Variants in DNAH12 observed in about 807,000 individuals in gnomAD.
The protein encoded by DNAH12 is axonemal beta dynein heavy chain 12.
A neutral mutation model predicts 371.5 loss-of-function variants in DNAH12; 285 were observed. The observed-to-expected ratio is 0.77, with a 90% confidence interval of 0.70 to 0.85. The LOEUF (loss-of-function observed/expected upper bound fraction) is 0.85. DNAH12 is among the 40% of genes least tolerant of loss of function. The probability of loss-of-function intolerance (pLI) is 0.00; values close to 1 mark genes in which losing one functional copy is unlikely to be tolerated. For synonymous variants in DNAH12, 1,200 were observed against 1,213.0 expected (o/e 0.99, Z 0.22); for missense variants, 3,611 against 3,689.4 (o/e 0.98, Z 0.55).
rs2068941991 is a variant in DNAH12 at position 57,534,050 on chromosome 3, C to T, written c.170+8651G>A. The stretch of plus-strand genomic sequence containing the variant: ...CTCAAGTTCTGATCACTGGGATGTG[C>T]GATTCCCCTCTGGCTGGGGCTGGCC... On this transcript the variant is annotated intron_variant, in intron 2 of 73. Coordinates refer to ENST00000495027, the MANE Select transcript of DNAH12 (RefSeq NM_001366028.2). 3.3e-5 allele frequency among the ~76,000 whole-genome samples: 5 copies of T among 152,286 alleles called. No individual in the cohort carries two copies. The South Asian group carries it at 1.0e-3, about 32-fold the overall frequency.
Position 57,323,266 on chromosome 3 carries a change from A to T in DNAH12, c.10130-6T>A. On this transcript the variant is annotated splice_region_variant and splice_polypyrimidine_tract_variant and intron_variant, in intron 63 of 73. Transcript: ENST00000495027. ...ATTTGCAAATTTCAGCAGGCCTATAAGAGGCACAAAAAAATGGTCACACTA... is the reference window on the plus strand; with the variant it reads ...ATTTGCAAATTTCAGCAGGCCTATATGAGGCACAAAAAAATGGTCACACTA... 6.5e-7 allele frequency: 1 copy of T among 1,548,934 alleles called. No individual in the cohort carries two copies. The highest frequency in any genetic ancestry group is 8.7e-7 in the Non-Finnish European group (1 of 1,146,018).
intron 23 of DNAH12, among the ~76,000 whole-genome samples, chr3:57,454,336 C>G (rs535108941): frequency 1.3e-5 from 2 of 151,972 alleles, no homozygotes; most frequent in South Asian, 4.2e-4. Context: ...CAAAATTAGC[C>G]GGGTGTGGTG....
chr3:57,461,419 T>G, intron 19 of DNAH12, 70 bp downstream of exon 19: 36 of 1,419,366 alleles, frequency 2.5e-5, no homozygotes, highest in Non-Finnish European at 3.3e-5. Context: ...CTTATTACCA[T>G]GAGAGCGTAT....
Position 57,334,171 on chromosome 3 carries a change from TA to T in DNAH12, c.9978+293del, listed in dbSNP as rs1410421961. Among the ~76,000 whole-genome samples the T allele has an allele frequency of 3.7e-4, 56 of 152,156 alleles. 3 individuals are homozygous for T. On this transcript the variant is annotated intron_variant, in intron 62 of 73. Transcript: ENST00000495027. ...CAAGGAGATACCACGGCTTAAAAAA[TA>T]ATTAACAAAGTATCAATTACATTAT...
At chr3:57,326,582 C>T (rs532702068) in intron 62 of DNAH12, among the ~76,000 whole-genome samples, 2 of 152,126 alleles carry the variant, frequency 1.3e-5, no homozygotes, top group Non-Finnish European at 2.9e-5. Context: ...AAAGGAACAA[C>T]CAGTACCAGC....
intron 62 of DNAH12, among the ~76,000 whole-genome samples, chr3:57,328,568 A>G (rs1202847227): frequency 1.3e-5 from 2 of 152,096 alleles, no homozygotes; most frequent in Middle Eastern, 3.4e-3. Flanking sequence ...TCTGAAAATA[A>G]TAACAGCTAT....
rs2068811675 is a variant in DNAH12, at chr3:57,530,710, T to A, written c.171-6826A>T. On this transcript the variant is annotated intron_variant, in intron 2 of 73. Transcript: ENST00000495027. The stretch of plus-strand genomic sequence containing the variant: ...AGCATCTTGGTACGGACCAGTTTGT[T>A]ATTGGACACACTGTAGACAACATTG... 1.0e-5 allele frequency: 4 copies of A among 381,222 alleles called. No individual in the cohort carries two copies. The Admixed American group carries it at 1.5e-4, about 15-fold the overall frequency. The allele number at this position is 381,222 out of a possible 1,614,324, so 23.6% of individuals were successfully genotyped here. A position where few individuals can be genotyped will look rare whatever the true frequency, so the allele number is the denominator to read the frequency against.
At chr3:57,422,415 C>T (rs7644258) in intron 35 of DNAH12, among the ~76,000 whole-genome samples, 3,380 of 151,940 alleles carry the variant, frequency 0.022, 94 homozygotes, top group African/African-American at 0.077. Context: ...AGGATGGTCT[C>T]GATCTCCTGA....
intron 11 of DNAH12, chr3:57,493,591 C>T (rs1309086236): frequency 6.6e-6 from 1 of 151,840 alleles, no homozygotes; most frequent in Non-Finnish European, 1.5e-5. Context: ...CCCATAAAAA[C>T]CAAATAAGGT....
At chr3:57,463,966 C>G (rs73076485) in intron 17 of DNAH12, among the ~76,000 whole-genome samples, 15,848 of 151,830 alleles carry the variant, frequency 0.1, 996 homozygotes, top group South Asian at 0.15. Context: ...AAACTCCAAG[C>G]AGATGAGCAG....
intron 70 of DNAH12, among the ~76,000 whole-genome samples, chr3:57,298,254 C>G (rs1183405834): frequency 1.3e-5 from 2 of 152,170 alleles, no homozygotes; most frequent in Non-Finnish European, 2.9e-5. Context: ...GTGACTGATT[C>G]AGAAATGGAC....
Position 57,431,835 on chromosome 3 carries a change from C to T in DNAH12, c.4980+1532G>A, listed in dbSNP as rs1453055302. ...CTCTCTTTCCCATCTTCCACAAAGG[C>T]TAATTTAAGTCTCTTCTTTTATCCT... On this transcript the variant is annotated intron_variant, in intron 32 of 73. Transcript: ENST00000495027. Among the ~76,000 whole-genome samples, 8 of 152,250 alleles carry T rather than the reference C, an allele frequency of 5.3e-5. No individual in the cohort carries two copies. The South Asian group carries it at 1.5e-3, about 28-fold the overall frequency.
At chr3:57,415,825 G>C (rs1449652265) in intron 37 of DNAH12, among the ~76,000 whole-genome samples, 8 of 130,768 alleles carry the variant, frequency 6.1e-5, no homozygotes, top group Middle Eastern at 4.7e-3. Context: ...GTCTCACTTA[G>C]TTCCCCAGGC....
At chr3:57,555,341 AATTTT>A in the DNAH12 span, among the ~76,000 whole-genome samples, 1 of 152,290 alleles carries the variant, frequency 6.6e-6, no homozygotes, top group South Asian at 2.1e-4. Context: ...GAGATCCTGT[AATTTT>A]ATTTGTTAAA....
intron 45 of DNAH12, among the ~76,000 whole-genome samples, chr3:57,387,755 C>T (rs891655641): frequency 9.9e-5 from 15 of 152,086 alleles, no homozygotes; most frequent in Non-Finnish European, 1.6e-4. Flanking sequence ...TCCTTTTTGG[C>T]CTACTTTCAT....
At chr3:57,378,466 A>T (rs2063326458) in intron 52 of DNAH12, among the ~76,000 whole-genome samples, 1 of 152,198 alleles carries the variant, frequency 6.6e-6, no homozygotes, top group Non-Finnish European at 1.5e-5. Flanking sequence ...TCATTTAGGA[A>T]GACCTTCCCA....
intron 2 of DNAH12, among the ~76,000 whole-genome samples, chr3:57,541,223 T>A (rs1005183807): frequency 5.9e-5 from 9 of 151,972 alleles, no homozygotes; most frequent in African/African-American, 1.9e-4. Flanking sequence ...GTATTTTTAG[T>A]AGAGATGGGT....
chr3:57,313,757 T>C (rs1313356802), intron 66 of DNAH12, among the ~76,000 whole-genome samples: 2 of 152,120 alleles, frequency 1.3e-5, no homozygotes, highest in Non-Finnish European at 2.9e-5. Context: ...TAGTGAGCTA[T>C]GATTGCATCA....
At position 57,457,292 on chromosome 3, in the gene DNAH12, C is replaced by G. The variant is rs542004139; in HGVS notation, c.3336+429G>C. On this transcript the variant is annotated intron_variant, in intron 22 of 73. Coordinates refer to ENST00000495027, the MANE Select transcript of DNAH12 (RefSeq NM_001366028.2). ...GTCACTTTACTCTCCACTTTGCTTA[C>G]TCTACTCCAGACATATTTGTCTTCT... Among the ~76,000 whole-genome samples the G allele has an allele frequency of 2.0e-5, 3 of 152,328 alleles. No individual in the cohort carries two copies. In the South Asian group the frequency reaches 6.2e-4, roughly 32 times the overall value.
Sources: gnomAD v4.1 joint callset for allele counts (sites outside exome capture counted in the v4.1 genomes callset) on GRCh38, gnomAD v4.1.1 for gene constraint, MANE v1.5 for transcripts, NCBI Gene and HGNC (gene_info 2026-07-23, HGNC 2026-07-21) for gene names.